Variants in TRIM24 observed in about 807,000 individuals in gnomAD.
TRIM24 encodes tripartite motif containing 24.
In TRIM24, 29 loss-of-function variants were observed where a neutral mutation model predicts 123.9. That is an observed-to-expected ratio of 0.23 (90% CI 0.17 to 0.32). The LOEUF (loss-of-function observed/expected upper bound fraction) is 0.32. Ranked by LOEUF, TRIM24 falls within the 10% of genes least tolerant of loss-of-function variation. The pLI is 1.00. For synonymous variants in TRIM24, 456 were observed against 461.1 expected, an observed-to-expected ratio of 0.99 and a Z score of 0.14; for missense variants, 932 against 1,295.3, an observed-to-expected ratio of 0.72 and a Z score of 4.31.
chr7:138,487,057 C>T (rs1795663439), intron 1 of TRIM24, among the ~76,000 whole-genome samples: 1 of 152,098 alleles, frequency 6.6e-6, no homozygotes, highest in Admixed American at 6.5e-5. Context: ...CCTTCACATC[C>T]CTTGTAAGTT....
intron 7 of TRIM24, among the ~76,000 whole-genome samples, chr7:138,546,541 T>A (rs1797105929): frequency 6.6e-6 from 1 of 152,184 alleles, no homozygotes. Flanking sequence ...AGGATATCCA[T>A]ACTGCAGTAT....
intron 7 of TRIM24, among the ~76,000 whole-genome samples, chr7:138,550,393 G>T (rs1024301073): frequency 9.2e-5 from 14 of 151,868 alleles, no homozygotes; most frequent in Non-Finnish European, 2.9e-5. Flanking sequence ...TGGTATTTGG[G>T]CACTAGAGGA....
At chr7:138,574,101 T>A (rs1797710013) in intron 12 of TRIM24, among the ~76,000 whole-genome samples, 1 of 152,226 alleles carries the variant, frequency 6.6e-6, no homozygotes, top group Non-Finnish European at 1.5e-5. Context: ...TCAACAGAAC[T>A]TCTCACCATT....
chr7:138,575,003 T>A (rs931743392), intron 12 of TRIM24, among the ~76,000 whole-genome samples: 41 of 152,276 alleles, frequency 2.7e-4, no homozygotes, highest in Middle Eastern at 6.8e-3. Flanking sequence ...AATATGAGGA[T>A]AAAAATAAAT....
intron 1 of TRIM24, among the ~76,000 whole-genome samples, chr7:138,467,162 T>G (rs999851992): frequency 6.6e-6 from 1 of 152,236 alleles, no homozygotes; most frequent in Non-Finnish European, 1.5e-5. Flanking sequence ...CTCAGCAAAT[T>G]TTGAAATTTG....
chr7:138,463,757 T>C (rs997431881), intron 1 of TRIM24, among the ~76,000 whole-genome samples: 2 of 152,168 alleles, frequency 1.3e-5, no homozygotes, highest in Non-Finnish European at 2.9e-5. Context: ...TTTTTATCTT[T>C]ATGCTGTATT....
intron 15 of TRIM24, 100 bp from the exon 16 acceptor site, chr7:138,580,462 C>T (rs1403872746): frequency 1.4e-6 from 2 of 1,421,234 alleles, no homozygotes; most frequent in African/African-American, 1.4e-5. Flanking sequence ...GCCAAATGAA[C>T]AATTCTGTAT....
chr7:138,517,269 A>G (rs1796419807), intron 3 of TRIM24, among the ~76,000 whole-genome samples: 2 of 152,070 alleles, frequency 1.3e-5, no homozygotes, highest in African/African-American at 2.4e-5. Flanking sequence ...ATCTTCAGAA[A>G]TATTTCTTGT....
chr7:138,562,636 G>C (rs1797450170), intron 9 of TRIM24, among the ~76,000 whole-genome samples: 1 of 152,148 alleles, frequency 6.6e-6, no homozygotes, highest in Non-Finnish European at 1.5e-5. Context: ...CTAAACTGGG[G>C]TTGCCCCTGG....
intron 6 of TRIM24, among the ~76,000 whole-genome samples, chr7:138,534,472 C>G (rs1395257173): frequency 2.0e-5 from 3 of 152,122 alleles, no homozygotes; most frequent in Non-Finnish European, 4.4e-5. Context: ...TTGTTATGTA[C>G]CCAGTAGTCA....
chr7:138,534,007 G>T (rs761849418), intron 6 of TRIM24, among the ~76,000 whole-genome samples: 1 of 152,154 alleles, frequency 6.6e-6, no homozygotes, highest in Non-Finnish European at 1.5e-5. Context: ...TTGCATAGAG[G>T]TGTTTATAGT....
chr7:138,588,061 C>CATAGT lies in TRIM24; in HGVS notation c.*3111_*3112insTAGTA, dbSNP rs1302873739. ...CTTTACTACTGCTATATTTTACTAC[C>CATAGT]ACATAGTAGTGTAGATGTAGTATAA... is the stretch of plus-strand genomic sequence containing the variant. On this transcript the variant is annotated 3_prime_UTR_variant, in exon 19 of 19. Transcript: ENST00000343526. The CATAGT allele has an allele frequency of 6.6e-6, 1 of 152,132 alleles. No homozygotes were observed. The highest frequency in any genetic ancestry group is 1.5e-5 in the Non-Finnish European group (1 of 68,030). 9.4% of individuals were successfully genotyped at this position (152,132 alleles called of 1,614,324 possible).
intron 8 of TRIM24, among the ~76,000 whole-genome samples, chr7:138,553,615 A>C (rs1005638697): frequency 1.1e-4 from 17 of 152,200 alleles, no homozygotes; most frequent in African/African-American, 4.1e-4. Flanking sequence ...CAAAAAGTTA[A>C]CATAGTATGC....
intron 10 of TRIM24, among the ~76,000 whole-genome samples, chr7:138,568,583 C>T (rs1014681673): frequency 2.6e-5 from 4 of 151,688 alleles, no homozygotes; most frequent in African/African-American, 9.7e-5. Flanking sequence ...GACAGGGTTT[C>T]ACCATGTTGG....
intron 6 of TRIM24, among the ~76,000 whole-genome samples, chr7:138,533,311 G>A (rs1275741609): frequency 3.3e-5 from 5 of 152,186 alleles, no homozygotes; most frequent in African/African-American, 1.2e-4. Context: ...CAAAGGGAAT[G>A]CTTCCAGTTT....
intron 9 of TRIM24, among the ~76,000 whole-genome samples, chr7:138,559,507 A>T (rs1359248116): frequency 6.6e-6 from 1 of 152,176 alleles, no homozygotes; most frequent in Non-Finnish European, 1.5e-5. Context: ...AACCACATTT[A>T]CTTCCCTGAT....
At chr7:138,557,611 G>C (rs1180645319) in intron 9 of TRIM24, among the ~76,000 whole-genome samples, 1 of 152,158 alleles carries the variant, frequency 6.6e-6, no homozygotes, top group Non-Finnish European at 1.5e-5. Flanking sequence ...GTCTGGGCTG[G>C]AACATGGGCT....
intron 9 of TRIM24, among the ~76,000 whole-genome samples, chr7:138,560,451 C>A (rs1186962700): frequency 6.6e-6 from 1 of 152,202 alleles, no homozygotes; most frequent in East Asian, 1.9e-4. Flanking sequence ...GTACGGATAG[C>A]CTCTGGCTCG....
chr7:138,584,615 T>C lies in TRIM24; in HGVS notation c.2944-127T>C. ...TAGCTGGCCTTCTGTACAGAGACTTTGTCTAGTCCTAAACTATTATTTCAA... is the reference window on the plus strand; with the variant it reads ...TAGCTGGCCTTCTGTACAGAGACTTCGTCTAGTCCTAAACTATTATTTCAA... On this transcript the variant is annotated intron_variant, in intron 18 of 18. Coordinates refer to ENST00000343526, the MANE Select transcript of TRIM24 (RefSeq NM_015905.3). 4.2e-6 allele frequency: 3 copies of C among 714,460 alleles called. No individual in the cohort carries two copies. In the Admixed American group the frequency reaches 1.0e-4, roughly 24 times the overall value. 44.3% of individuals were successfully genotyped at this position (714,460 alleles called of 1,614,324 possible).
Sources: gnomAD v4.1 joint callset for allele counts (sites outside exome capture counted in the v4.1 genomes callset) on GRCh38, gnomAD v4.1.1 for gene constraint, MANE v1.5 for transcripts, NCBI Gene and HGNC (gene_info 2026-07-23, HGNC 2026-07-21) for gene names.